The following RAD51AP1 variants were observed in gnomAD, a reference collection of about 807,000 sequenced individuals.
RAD51AP1 encodes RAD51-associated protein 1.
RAD51AP1 carries 14 observed loss-of-function variants against 34.3 expected under a neutral mutation model. The ratio of observed to expected loss-of-function variants is 0.41; its 90% CI spans 0.27 to 0.64. The LOEUF (loss-of-function observed/expected upper bound fraction) is 0.64. RAD51AP1 is among the 30% of genes least tolerant of loss of function. The pLI is 0.33. For missense variants in RAD51AP1, 348 were observed against 386.9 expected (o/e 0.90, Z 0.84); for synonymous variants, 114 against 129.8 (o/e 0.88, Z 0.83).
Position 4,557,912 on chromosome 12 carries a change from T to A in RAD51AP1, c.872-945T>A, listed in dbSNP as rs936162201. 8.5e-5 allele frequency among the ~76,000 whole-genome samples: 13 copies of A among 152,304 alleles called. 1 individual carries two copies. Among genetic ancestry groups the A allele is most frequent in the African/African-American group, 3.1e-4 (13 of 41,566 alleles). On this transcript the variant is annotated intron_variant, in intron 8 of 8. Coordinates refer to ENST00000352618, the MANE Select transcript of RAD51AP1 (RefSeq NM_006479.5). ...GCTTGGTATTTCTAGATCTGATTGC[T>A]GTTTTCAAGAGAAGCCAGAAATCCA...
At chr12:4,541,994 A>G (rs768890856) in intron 2 of RAD51AP1, 61 bp downstream of exon 2, 11 of 1,128,872 alleles carry the variant, frequency 9.7e-6, no homozygotes, top group Middle Eastern at 2.1e-4. Context: ...CGGAATTTAT[A>G]TGACATATAT....
At chr12:4,543,713 T>A (rs1270836264) in intron 2 of RAD51AP1, 50 bp from the exon 3 acceptor site, 1 of 1,341,004 alleles carries the variant, frequency 7.5e-7, no homozygotes, top group Non-Finnish European at 1.0e-6. Flanking sequence ...TGATTTTCAT[T>A]TATGAAGAAA....
intron 3 of RAD51AP1, chr12:4,545,245 C>T (rs1250732041): frequency 2.2e-6 from 1 of 452,586 alleles, no homozygotes; most frequent in East Asian, 7.0e-5. Flanking sequence ...CAACTGATAA[C>T]TGATATATAC....
chr12:4,545,108 C>G, intron 3 of RAD51AP1: 1 of 367,134 alleles, frequency 2.7e-6, no homozygotes, highest in South Asian at 2.1e-5. Context: ...CATGAATGTT[C>G]ACAGCAACAT....
intron 6 of RAD51AP1, among the ~76,000 whole-genome samples, chr12:4,550,842 G>A (rs1198672032): frequency 6.6e-6 from 1 of 152,170 alleles, no homozygotes; most frequent in Non-Finnish European, 1.5e-5. Context: ...GTTTCAGCAT[G>A]TTGGCCAGGG....
intron 2 of RAD51AP1, among the ~76,000 whole-genome samples, chr12:4,542,167 A>C (rs1944472033): frequency 6.6e-6 from 1 of 152,068 alleles, no homozygotes; most frequent in African/African-American, 2.4e-5. Context: ...GATCTAAACT[A>C]CTCTAAAGTC....
intron 4 of RAD51AP1, among the ~76,000 whole-genome samples, chr12:4,547,145 A>G (rs1277073203): frequency 6.6e-6 from 1 of 152,214 alleles, no homozygotes; most frequent in Non-Finnish European, 1.5e-5. Context: ...ATGGCTCAAT[A>G]CAACCTTGAC....
chr12:4,549,637 G>A (rs1944532216), intron 6 of RAD51AP1, among the ~76,000 whole-genome samples: 1 of 152,106 alleles, frequency 6.6e-6, no homozygotes, highest in Non-Finnish European at 1.5e-5. Flanking sequence ...GGAGGGCCTG[G>A]GAGACAGGAA....
intron 8 of RAD51AP1, among the ~76,000 whole-genome samples, chr12:4,557,990 T>C (rs1001582632): frequency 6.6e-6 from 1 of 152,090 alleles, no homozygotes; most frequent in Non-Finnish European, 1.5e-5. Context: ...TTTGTTGTTG[T>C]TGTTAGCACC....
chr12:4,554,047 G>T (rs1454402146), intron 7 of RAD51AP1, among the ~76,000 whole-genome samples: 1 of 149,448 alleles, frequency 6.7e-6, no homozygotes, highest in Non-Finnish European at 1.5e-5. Flanking sequence ...TAATTAGAGT[G>T]TTTTTTTTTT....
intron 8 of RAD51AP1, among the ~76,000 whole-genome samples, chr12:4,557,091 T>G (rs1466561811): frequency 6.6e-6 from 1 of 152,246 alleles, no homozygotes; most frequent in Non-Finnish European, 1.5e-5. Flanking sequence ...AAATTGTTGC[T>G]GCCTTTCCTA....
In RAD51AP1 at chr12:4,559,083, T is replaced by C. The variant is rs1280485265; in HGVS notation, c.*90T>C. ...TTGTGTTTATATTTGAGGCAGGTAT[T>C]GTAATATAAAGGAATCCATTACCAT... is the stretch of plus-strand genomic sequence containing the variant. On this transcript the variant is annotated 3_prime_UTR_variant, in exon 9 of 9. Coordinates refer to ENST00000352618, the MANE Select transcript of RAD51AP1 (RefSeq NM_006479.5). 5 of 1,486,238 alleles carry C rather than the reference T, an allele frequency of 3.4e-6. No homozygotes were observed. The highest frequency in any genetic ancestry group is 1.2e-5 in the South Asian group (1 of 80,910). The allele number at this position is 1,486,238 out of a possible 1,614,324, so 92.1% of individuals were successfully genotyped here. A position where few individuals can be genotyped will look rare whatever the true frequency, so the allele number is the denominator to read the frequency against.
chr12:4,543,620 TAAAC>T (rs1242533565), intron 2 of RAD51AP1, 139 bp from the exon 3 acceptor site: 5 of 558,740 alleles, frequency 8.9e-6, no homozygotes, highest in East Asian at 3.2e-5. Flanking sequence ...AGAGTAAAGA[TAAAC>T]AAAATACTAA....
rs532205268 is a variant in RAD51AP1, at chr12:4,558,902, T to C, written c.917T>C (p.Val306Ala). 5.1e-5 allele frequency: 82 copies of C among 1,614,164 alleles called. No individual in the cohort carries two copies. The highest frequency in any genetic ancestry group is 6.4e-5 in the Non-Finnish European group (76 of 1,179,982). The change falls in exon 9 of 9, where the codon GTG becomes GCG. Residue 306 changes from valine to alanine, a missense_variant. Transcript: ENST00000352618. ...SRSSSSPLVV[V>A]SVKSPNQSLR... is the part of the protein sequence containing the mutation. ...AGTAGCAGCAGCCCACTGGTGGTAG[T>C]GTCTGTGAAGTCTCCCAATCAGAGT...
intron 7 of RAD51AP1, among the ~76,000 whole-genome samples, chr12:4,554,407 G>A (rs1483301939): frequency 1.3e-5 from 2 of 152,186 alleles, no homozygotes; most frequent in African/African-American, 2.4e-5. Context: ...AAGTCCCTTT[G>A]CCATGTAAGG....
At chr12:4,558,283 G>A (rs1944596453) in intron 8 of RAD51AP1, among the ~76,000 whole-genome samples, 1 of 152,120 alleles carries the variant, frequency 6.6e-6, no homozygotes, top group Admixed American at 6.5e-5. Context: ...AGGGTAGCAG[G>A]TATAATTATT....
At chr12:4,556,614 TCA>T (rs1591776241) in intron 8 of RAD51AP1, 112 bp downstream of exon 8, 2 of 1,274,406 alleles carry the variant, frequency 1.6e-6, no homozygotes, top group Non-Finnish European at 2.2e-6. Flanking sequence ...TACATATTCT[TCA>T]AAACCAAAGT....
In RAD51AP1 at chr12:4,559,665, T is replaced by C. The variant is rs1944607480; in HGVS notation, c.*672T>C. The C allele has an allele frequency of 6.6e-6, 1 of 152,232 alleles. No individual in the cohort carries two copies. The highest frequency in any genetic ancestry group is 6.5e-5 in the Admixed American group (1 of 15,278). The allele number at this position is 152,232 out of a possible 1,614,324, so 9.4% of individuals were successfully genotyped here. A position where few individuals can be genotyped will look rare whatever the true frequency, so the allele number is the denominator to read the frequency against. On this transcript the variant is annotated 3_prime_UTR_variant, in exon 9 of 9. Transcript: ENST00000352618. ...ATACCACTCATCCACGTGTTCCTGA[T>C]TGTCCACATTTCATGATAAAATGAG...
At chr12:4,539,930 G>A (rs569812142) in intron 1 of RAD51AP1, among the ~76,000 whole-genome samples, 1 of 152,294 alleles carries the variant, frequency 6.6e-6, no homozygotes, top group East Asian at 1.9e-4. Context: ...AAGGTCACTG[G>A]CTGTTGGTGG....
Sources: allele counts gnomAD v4.1 joint callset (sites outside exome capture counted in the v4.1 genomes callset), GRCh38; gene constraint gnomAD v4.1.1; transcripts MANE v1.5; gene names NCBI Gene and HGNC (gene_info 2026-07-23, HGNC 2026-07-21).